The following GNAQ variants were observed in gnomAD, a reference collection of about 807,000 sequenced individuals.
GNAQ encodes the protein G protein subunit alpha q.
In GNAQ, 8 loss-of-function variants were observed where a neutral mutation model predicts 43.9. The ratio of observed to expected loss-of-function variants is 0.18; its 90% CI spans 0.11 to 0.33. The LOEUF (loss-of-function observed/expected upper bound fraction) is 0.33. GNAQ is among the 10% of genes least tolerant of loss of function. GNAQ has a pLI of 1.00. For synonymous variants in GNAQ, 155 were observed against 170.7 expected, an observed-to-expected ratio of 0.91 and a Z score of 0.71; for missense variants, 158 against 450.8, an observed-to-expected ratio of 0.35 and a Z score of 5.88.
chr9:77,974,255 AC>A (rs1564167523), intron 1 of GNAQ, among the ~76,000 whole-genome samples: 1 of 152,062 alleles, frequency 6.6e-6, no homozygotes, highest in East Asian at 1.9e-4. Context: ...TGAAACAGGG[AC>A]CCTCCAGATG....
At chr9:77,837,675 C>T (rs1305240379) in intron 2 of GNAQ, among the ~76,000 whole-genome samples, 1 of 151,158 alleles carries the variant, frequency 6.6e-6, no homozygotes, top group African/African-American at 2.4e-5. Flanking sequence ...ATCAAAATGA[C>T]TTCTAAATAT....
At chr9:77,915,965 G>T (rs1264986102) in intron 2 of GNAQ, among the ~76,000 whole-genome samples, 1 of 152,072 alleles carries the variant, frequency 6.6e-6, no homozygotes, top group Non-Finnish European at 1.5e-5. Flanking sequence ...TCATATTGTT[G>T]AGCCTTCCCC....
intron 2 of GNAQ, among the ~76,000 whole-genome samples, chr9:77,867,658 A>C (rs1827969214): frequency 6.6e-6 from 1 of 152,242 alleles, no homozygotes; most frequent in African/African-American, 2.4e-5. Flanking sequence ...TTCTGTATGC[A>C]GCCCTCAGGA....
At chr9:77,907,538 C>T (rs1250597401) in intron 2 of GNAQ, among the ~76,000 whole-genome samples, 2 of 152,186 alleles carry the variant, frequency 1.3e-5, no homozygotes, top group Non-Finnish European at 2.9e-5. Flanking sequence ...TACACTTCCT[C>T]TGGCTCGAAG....
At chr9:77,737,733 A>ACTTG (rs1220037577) in intron 5 of GNAQ, among the ~76,000 whole-genome samples, 2 of 152,232 alleles carry the variant, frequency 1.3e-5, no homozygotes, top group African/African-American at 4.8e-5. Flanking sequence ...GACCTATAGT[A>ACTTG]AGTGGCTACT....
intron 2 of GNAQ, among the ~76,000 whole-genome samples, chr9:77,873,487 T>C (rs1270816828): frequency 6.6e-6 from 1 of 152,238 alleles, no homozygotes; most frequent in East Asian, 1.9e-4. Context: ...CTGATCTCCT[T>C]ACTGTAAACA....
intron 1 of GNAQ, among the ~76,000 whole-genome samples, chr9:77,937,304 G>A (rs1345619507): frequency 6.6e-6 from 1 of 152,054 alleles, no homozygotes; most frequent in Non-Finnish European, 1.5e-5. Flanking sequence ...TCTGAGTGGT[G>A]GTGCATGTCT....
chr9:77,754,723 A>G (rs1825871276), intron 5 of GNAQ, among the ~76,000 whole-genome samples: 1 of 152,238 alleles, frequency 6.6e-6, no homozygotes. Context: ...AGACCCAGAC[A>G]GACAATAACA....
rs145493802 is a variant in GNAQ, at chr9:77,740,876, G to A, written c.736-12209C>T. On this transcript the variant is annotated intron_variant, in intron 5 of 6. Transcript: ENST00000286548. ...GCACTGGCAAGCATTTCTATAAAGG[G>A]TCAGATAGTAAATATTCCAGTTTGT... Among the ~76,000 whole-genome samples, 386 of 152,290 alleles carry A rather than the reference G, an allele frequency of 2.5e-3. 2 individuals carry two copies. The highest frequency in any genetic ancestry group is 4.3e-3 in the Non-Finnish European group (292 of 68,026).
chr9:77,852,431 C>T (rs1827685793), intron 2 of GNAQ, among the ~76,000 whole-genome samples: 1 of 152,180 alleles, frequency 6.6e-6, no homozygotes, highest in African/African-American at 2.4e-5. Context: ...GCAGAATAAC[C>T]ATGGCAATGC....
intron 2 of GNAQ, among the ~76,000 whole-genome samples, chr9:77,886,102 G>A (rs1427870497): frequency 1.3e-5 from 2 of 152,024 alleles, no homozygotes; most frequent in African/African-American, 4.8e-5. Flanking sequence ...TCAGCCTCCT[G>A]AGTAGCTGGA....
rs138782875 is a variant in GNAQ at position 78,015,805 on chromosome 9, A to C, written c.136+15295T>G. Among the ~76,000 whole-genome samples the C allele has an allele frequency of 7.2e-5, 11 of 152,284 alleles. No individual in the cohort carries two copies. The East Asian group carries it at 2.1e-3, about 29-fold the overall frequency. On this transcript the variant is annotated intron_variant, in intron 1 of 6. Coordinates refer to ENST00000286548, the MANE Select transcript of GNAQ (RefSeq NM_002072.5). Reference sequence around the variant, plus strand: ...AAATTGTAATTTTAGAATATCTGTAAAAGGATAAGAATGCTACATAGGGAC... The same window carrying C: ...AAATTGTAATTTTAGAATATCTGTACAAGGATAAGAATGCTACATAGGGAC...
At chr9:77,925,028 T>C (rs1829049684) in intron 1 of GNAQ, among the ~76,000 whole-genome samples, 1 of 152,046 alleles carries the variant, frequency 6.6e-6, no homozygotes, top group Non-Finnish European at 1.5e-5. Flanking sequence ...TATGTTGCCT[T>C]CAAAAGGTCC....
At chr9:77,990,103 CT>C (rs1405775512) in intron 1 of GNAQ, among the ~76,000 whole-genome samples, 10 of 152,272 alleles carry the variant, frequency 6.6e-5, no homozygotes, top group African/African-American at 2.4e-4. Flanking sequence ...CCATAGTATT[CT>C]TGATAAGAAG....
In GNAQ at chr9:77,949,267, G is replaced by C. The variant is rs532014899; in HGVS notation, c.137-26922C>G. Reference sequence around the variant, plus strand: ...GCAAAGATAGCTCAGCCCTGGTGCAGAGGCAAGTTCAAGGATGGAACTTCA... The same window carrying C: ...GCAAAGATAGCTCAGCCCTGGTGCACAGGCAAGTTCAAGGATGGAACTTCA... On this transcript the variant is annotated intron_variant, in intron 1 of 6. Transcript: ENST00000286548. Among the ~76,000 whole-genome samples the C allele has an allele frequency of 3.0e-4, 46 of 152,326 alleles. 1 individual carries two copies. Among genetic ancestry groups the C allele is most frequent in the Admixed American group, 2.4e-3 (37 of 15,312 alleles).
At chr9:77,788,144 T>C (rs906672111) in intron 5 of GNAQ, among the ~76,000 whole-genome samples, 1 of 152,192 alleles carries the variant, frequency 6.6e-6, no homozygotes, top group Non-Finnish European at 1.5e-5. Context: ...TAACAGTATT[T>C]CCAGAAGACA....
intron 2 of GNAQ, among the ~76,000 whole-genome samples, chr9:77,879,245 T>C (rs1483406895): frequency 6.6e-6 from 1 of 152,168 alleles, no homozygotes; most frequent in African/African-American, 2.4e-5. Flanking sequence ...TCTTACTGGA[T>C]GCTGGATTTT....
At chr9:77,831,603 G>A (rs1827298420) in intron 2 of GNAQ, among the ~76,000 whole-genome samples, 1 of 152,218 alleles carries the variant, frequency 6.6e-6, no homozygotes, top group Admixed American at 6.5e-5. Flanking sequence ...CGCTTTCAAT[G>A]TGACAGAATT....
rs199570489 is a variant in GNAQ at position 77,870,636 on chromosome 9, T to G, written c.321+51525A>C. ...CACCGCGCCCCGCCTTTGGTGCTAG[T>G]TTTTTACCCACCAATGGCTAGGTCT... On this transcript the variant is annotated intron_variant, in intron 2 of 6. Transcript: ENST00000286548. 3.9e-5 allele frequency among the ~76,000 whole-genome samples: 6 copies of G among 152,130 alleles called. No individual in the cohort carries two copies. The East Asian group carries it at 9.7e-4, about 25-fold the overall frequency.
Sources: gnomAD v4.1 joint callset for allele counts (sites outside exome capture counted in the v4.1 genomes callset) on GRCh38, gnomAD v4.1.1 for gene constraint, MANE v1.5 for transcripts, NCBI Gene and HGNC (gene_info 2026-07-23, HGNC 2026-07-21) for gene names.